RHOBTB2: variants seen among roughly 807,000 people sequenced by gnomAD.
The protein encoded by RHOBTB2 is Rho related BTB domain containing 2, also known as rho-related BTB domain-containing protein 2.
A neutral mutation model predicts 66.5 loss-of-function variants in RHOBTB2; 39 were observed. The ratio of observed to expected loss-of-function variants is 0.59; its 90% CI spans 0.45 to 0.77. The LOEUF (loss-of-function observed/expected upper bound fraction) is 0.77. RHOBTB2 is among the 30% of genes least tolerant of loss of function. The pLI is 0.00. For missense variants in RHOBTB2, 755 were observed against 999.1 expected (o/e 0.76, Z 3.29); for synonymous variants, 390 against 395.0 (o/e 0.99, Z 0.15).
chr8:22,997,212 G>A (rs563306881), upstream of RHOBTB2, among the ~76,000 whole-genome samples: 22 of 152,118 alleles, frequency 1.4e-4, no homozygotes, highest in South Asian at 6.2e-4. Context: ...GGCTGCAGAG[G>A]ATGGGCTGGG....
upstream of RHOBTB2, chr8:22,984,999 T>A (rs999084704): frequency 6.6e-6 from 1 of 151,876 alleles, no homozygotes; most frequent in African/African-American, 2.4e-5. Context: ...GGTATAGAAT[T>A]AGAGGCCCAG....
At chr8:22,985,163 G>A (rs1298015131), upstream of RHOBTB2, among the ~76,000 whole-genome samples, 1 of 152,126 alleles carries the variant, frequency 6.6e-6, no homozygotes, top group Non-Finnish European at 1.5e-5. Flanking sequence ...AGAAGAGACA[G>A]GTTAAGAGTT....
chr8:22,958,134 T>C, the RHOBTB2 span, among the ~76,000 whole-genome samples: 1 of 152,182 alleles, frequency 6.6e-6, no homozygotes, highest in Non-Finnish European at 1.5e-5. Flanking sequence ...CTGAAACAGT[T>C]GTGATGGAGG....
the RHOBTB2 span, among the ~76,000 whole-genome samples, chr8:22,978,578 T>C: frequency 6.6e-6 from 1 of 151,224 alleles, no homozygotes; most frequent in African/African-American, 2.4e-5. Flanking sequence ...TTGTACTTTT[T>C]TTTTTTTTAG....
At chr8:22,957,184 G>A in the RHOBTB2 span, among the ~76,000 whole-genome samples, 1 of 152,272 alleles carries the variant, frequency 6.6e-6, no homozygotes, top group South Asian at 2.1e-4. Flanking sequence ...ATGCCACAGA[G>A]ATGATGAGCT....
rs1442472444 is a variant in RHOBTB2 at position 23,007,500 on chromosome 8, A to G, written c.1255A>G (p.Ser419Gly). 6.2e-7 allele frequency: 1 copy of G among 1,614,074 alleles called. No homozygotes were observed. Among genetic ancestry groups the G allele is most frequent in the Non-Finnish European group, 8.5e-7 (1 of 1,179,994 alleles). ...GCTGATGGTGGTGGTGAAGATGGAC[A>G]GTTCCATCCAGCCGGGGCCCTTCCG... is the stretch of plus-strand genomic sequence containing the variant. ...SRLMVVVKMD[S>G]SIQPGPFRAV... The change falls in exon 5 of 10, where the codon AGT (serine) becomes GGT (glycine). Residue 419 changes from serine (S) to glycine (G), a missense_variant. By Grantham distance (56) the Ser-to-Gly change is moderately conservative (BLOSUM62 0). This residue lies in a region of RHOBTB2 where 353 missense variants were observed against 458.2 expected (regional missense o/e 0.77). Coordinates refer to ENST00000251822, the MANE Select transcript of RHOBTB2 (RefSeq NM_015178.3).
At chr8:22,988,131 C>G (rs938142642) in intron 1 of RHOBTB2, among the ~76,000 whole-genome samples, 4 of 148,656 alleles carry the variant, frequency 2.7e-5, no homozygotes, top group African/African-American at 9.9e-5. Context: ...TCTCCAGCAT[C>G]TCTGTTGTCC....
the RHOBTB2 span, among the ~76,000 whole-genome samples, chr8:22,972,904 T>A: frequency 1.3e-5 from 2 of 152,232 alleles, no homozygotes; most frequent in Non-Finnish European, 2.9e-5. Context: ...CCTGCCTTTC[T>A]GAATCTGCCG....
In RHOBTB2 at chr8:22,999,815, C is replaced by G. The variant is rs1461784213; in HGVS notation, c.-301C>G. 10 of 983,770 alleles carry G rather than the reference C, an allele frequency of 1.0e-5. No homozygotes were observed. In the South Asian group the frequency reaches 4.2e-4, roughly 42 times the overall value. 60.9% of individuals were successfully genotyped at this position (983,770 alleles called of 1,614,324 possible). A position where few individuals can be genotyped will look rare whatever the true frequency, so the allele number is the denominator to read the frequency against. On this transcript the variant is annotated 5_prime_UTR_variant, in exon 1 of 10. Transcript: ENST00000251822. ...TCCGCAGCCCGGCTCCGCGCGCCGCCGTGACATTGGGCGCCTGGCGCGCGG... is the reference window on the plus strand; with the variant it reads ...TCCGCAGCCCGGCTCCGCGCGCCGCGGTGACATTGGGCGCCTGGCGCGCGG...
upstream of RHOBTB2, chr8:22,995,760 G>C: frequency 7.7e-7 from 1 of 1,293,154 alleles, no homozygotes; most frequent in Non-Finnish European, 1.1e-6. Context: ...TGCAGGGTAG[G>C]AACACCACGT....
the RHOBTB2 span, among the ~76,000 whole-genome samples, chr8:22,962,179 C>CAAAAAAAAAA: frequency 1.1e-3 from 15 of 13,832 alleles, no homozygotes; most frequent in Non-Finnish European, 1.4e-3. Context: ...AACGAATTTA[C>CAAAAAAAAAA]AAAAAAAAAA....
intron 1 of RHOBTB2, among the ~76,000 whole-genome samples, chr8:22,989,848 A>G (rs764213075): frequency 6.0e-4 from 91 of 152,350 alleles, no homozygotes; most frequent in African/African-American, 1.9e-3. Flanking sequence ...TGTCTCCCCA[A>G]GAGGCTCTGA....
chr8:22,995,212 C>T (rs181862362), upstream of RHOBTB2, among the ~76,000 whole-genome samples: 9 of 152,322 alleles, frequency 5.9e-5, no homozygotes, highest in Non-Finnish European at 1.0e-4. Context: ...AGATTACAGG[C>T]ATAAGCCACC....
At chr8:22,959,771 G>A in the RHOBTB2 span, among the ~76,000 whole-genome samples, 1 of 152,074 alleles carries the variant, frequency 6.6e-6, no homozygotes, top group Non-Finnish European at 1.5e-5. Context: ...AGGCTGTTCA[G>A]GCAGAAGTAG....
At chr8:22,970,603 TAAAA>T in the RHOBTB2 span, among the ~76,000 whole-genome samples, 1 of 143,838 alleles carries the variant, frequency 7.0e-6, no homozygotes, top group African/African-American at 2.6e-5. Context: ...ACTCTGTCCC[TAAAA>T]AAAAAAAAAA....
At chr8:22,966,361 A>AT in the RHOBTB2 span, among the ~76,000 whole-genome samples, 3 of 152,146 alleles carry the variant, frequency 2.0e-5, no homozygotes, top group Non-Finnish European at 4.4e-5. Context: ...TCAAAAAAAA[A>AT]GAAAAGAAAA....
At position 23,013,930 on chromosome 8, in the gene RHOBTB2, C is replaced by T. The variant is rs187609133; in HGVS notation, c.1772-760C>T. 2.6e-3 allele frequency among the ~76,000 whole-genome samples: 397 copies of T among 152,318 alleles called. 1 individual carries two copies. The highest frequency in any genetic ancestry group is 7.3e-3 in the African/African-American group (305 of 41,560). The stretch of plus-strand genomic sequence containing the variant: ...CTTGACTCCAGAGTCTTACGAGCTT[C>T]CTCTCTATCTGGAATGATGAGATGT... On this transcript the variant is annotated intron_variant, in intron 7 of 9. Coordinates refer to ENST00000251822, the MANE Select transcript of RHOBTB2 (RefSeq NM_015178.3).
In RHOBTB2 at chr8:23,010,533, C is replaced by T; in HGVS notation, c.1621-5C>T. On this transcript the variant is annotated splice_region_variant and splice_polypyrimidine_tract_variant and intron_variant, in intron 6 of 9. Transcript: ENST00000251822. ...TTGCTGTCCGCTCACTCCTTCCCTC[C>T]CCAGGTGGTGTTTCCCTACACAAGC... 6.2e-7 allele frequency: 1 copy of T among 1,611,952 alleles called. No individual in the cohort carries two copies.
chr8:22,951,377 GA>G, the RHOBTB2 span, among the ~76,000 whole-genome samples: 4 of 150,490 alleles, frequency 2.7e-5, no homozygotes, highest in Non-Finnish European at 4.4e-5. Context: ...TCAGCCTCCT[GA>G]GTGTCACGCG....
Sources: allele counts gnomAD v4.1 joint callset (sites outside exome capture counted in the v4.1 genomes callset), GRCh38; gene constraint gnomAD v4.1.1; regional missense constraint gnomAD v4.1.1; transcripts MANE v1.5; gene names NCBI Gene and HGNC (gene_info 2026-07-23, HGNC 2026-07-21).